The following FHIT variants were observed in gnomAD, a reference collection of about 807,000 sequenced individuals.
FHIT encodes bis(5'-adenosyl)-triphosphatase.
FHIT carries 19 observed loss-of-function variants against 17.9 expected under a neutral mutation model. The observed-to-expected ratio is 1.06, with a 90% CI of 0.74 to 1.56. FHIT has a LOEUF of 1.56. FHIT is among the 40% of genes most tolerant of loss of function. The probability of loss-of-function intolerance (pLI) is 0.00; values close to 1 mark genes in which losing one functional copy is unlikely to be tolerated. For synonymous variants in FHIT, 81 were observed against 69.7 expected, an observed-to-expected ratio of 1.16 and a Z score of -0.81; for missense variants, 248 against 189.2, an observed-to-expected ratio of 1.31 and a Z score of -1.82.
intron 8 of FHIT, among the ~76,000 whole-genome samples, chr3:59,781,870 T>G (rs1446293974): frequency 1.3e-5 from 2 of 152,210 alleles, no homozygotes; most frequent in African/African-American, 4.8e-5. Context: ...CTTCTAAAGT[T>G]ATGATAGCAG....
At chr3:59,867,178 C>A (rs200247307) in intron 8 of FHIT, among the ~76,000 whole-genome samples, 1 of 45,132 alleles carries the variant, frequency 2.2e-5, no homozygotes, top group Admixed American at 1.5e-4. Flanking sequence ...AGCAGAACCA[C>A]TCTCAACCTA....
chr3:60,515,077 G>A (rs554693960), intron 5 of FHIT, among the ~76,000 whole-genome samples: 3 of 152,206 alleles, frequency 2.0e-5, no homozygotes, highest in Non-Finnish European at 4.4e-5. Context: ...AGTGGGCACC[G>A]CAAATGAACA....
At chr3:59,817,400 G>A (rs972173082) in intron 8 of FHIT, among the ~76,000 whole-genome samples, 2 of 151,878 alleles carry the variant, frequency 1.3e-5, no homozygotes, top group African/African-American at 4.8e-5. Flanking sequence ...CTGTCCCTTG[G>A]CATTGCACAG....
At position 60,212,617 on chromosome 3, in the gene FHIT, A is replaced by G. The variant is rs116633130; in HGVS notation, c.104-198465T>C. Among the ~76,000 whole-genome samples the G allele has an allele frequency of 5.5e-3, 844 of 152,320 alleles. 11 individuals are homozygous for G. Among genetic ancestry groups the G allele is most frequent in the African/African-American group, 0.019 (806 of 41,576 alleles). ...GACAACTAAGTGTTGTTTAAGCACT[A>G]AAATAACAATCTAATGAATTAGTAA... On this transcript the variant is annotated intron_variant, in intron 5 of 9. Coordinates refer to ENST00000492590, the MANE Select transcript of FHIT (RefSeq NM_002012.4).
At chr3:59,987,064 CTAT>C (rs1709010958) in intron 7 of FHIT, among the ~76,000 whole-genome samples, 1 of 54,938 alleles carries the variant, frequency 1.8e-5, no homozygotes, top group Admixed American at 1.7e-4. Flanking sequence ...TAAAATATAT[CTAT>C]ATATATCTAT....
At chr3:60,960,971 A>G (rs367792656) in intron 3 of FHIT, among the ~76,000 whole-genome samples, 1 of 152,202 alleles carries the variant, frequency 6.6e-6, no homozygotes, top group African/African-American at 2.4e-5. Context: ...CTGGGTCAAA[A>G]GGTATTTCTA....
intron 8 of FHIT, among the ~76,000 whole-genome samples, chr3:59,879,482 C>A (rs184560988): frequency 1.1e-4 from 17 of 152,168 alleles, no homozygotes; most frequent in Admixed American, 7.9e-4. Flanking sequence ...AGATAGAAAA[C>A]AATTGATAAT....
intron 4 of FHIT, among the ~76,000 whole-genome samples, chr3:60,621,996 T>G (rs1008977062): frequency 3.3e-5 from 5 of 152,248 alleles, no homozygotes; most frequent in Middle Eastern, 3.4e-3. Flanking sequence ...CCCTCTGCAT[T>G]TTTCTTAAGG....
At chr3:60,852,644 T>A (rs1268128091) in intron 3 of FHIT, among the ~76,000 whole-genome samples, 1 of 152,056 alleles carries the variant, frequency 6.6e-6, no homozygotes, top group African/African-American at 2.4e-5. Flanking sequence ...TATATTATAT[T>A]AAAATTTAAT....
chr3:61,210,506 C>T (rs2039426488), intron 1 of FHIT, among the ~76,000 whole-genome samples: 1 of 152,226 alleles, frequency 6.6e-6, no homozygotes, highest in Admixed American at 6.5e-5. Flanking sequence ...TTGGCAATGG[C>T]AGGCGCCCCT....
intron 4 of FHIT, among the ~76,000 whole-genome samples, chr3:60,762,175 A>G (rs150012245): frequency 6.6e-6 from 1 of 152,278 alleles, no homozygotes; most frequent in Non-Finnish European, 1.5e-5. Context: ...TTGCCTACCC[A>G]GTTATTCTCC....
At chr3:60,210,909 A>G (rs766380132) in intron 5 of FHIT, among the ~76,000 whole-genome samples, 7 of 152,098 alleles carry the variant, frequency 4.6e-5, no homozygotes, top group Non-Finnish European at 8.8e-5. Flanking sequence ...AGTCTATCCA[A>G]AAGACACACT....
chr3:60,089,727 T>A (rs1320139646), intron 5 of FHIT, among the ~76,000 whole-genome samples: 1 of 152,190 alleles, frequency 6.6e-6, no homozygotes, highest in Non-Finnish European at 1.5e-5. Context: ...AAGATCAAGG[T>A]CCTAGCATCT....
chr3:60,363,431 C>T (rs935946516), intron 5 of FHIT, among the ~76,000 whole-genome samples: 1 of 152,124 alleles, frequency 6.6e-6, no homozygotes, highest in African/African-American at 2.4e-5. Flanking sequence ...ATGTATTGAG[C>T]ACATAACTAA....
At chr3:60,118,731 G>A (rs998482385) in intron 5 of FHIT, among the ~76,000 whole-genome samples, 112 of 89,862 alleles carry the variant, frequency 1.2e-3, no homozygotes, top group African/African-American at 3.6e-3. Flanking sequence ...TTCAGGGTCC[G>A]GGCCTGTAAT....
chr3:61,167,379 G>A (rs929126423), intron 2 of FHIT, among the ~76,000 whole-genome samples: 4 of 151,902 alleles, frequency 2.6e-5, no homozygotes, highest in Admixed American at 2.0e-4. Context: ...GCTCATGCCT[G>A]TAATCCCAAC....
At chr3:60,850,781 C>T (rs1300878483) in intron 3 of FHIT, among the ~76,000 whole-genome samples, 2 of 152,106 alleles carry the variant, frequency 1.3e-5, no homozygotes, top group Non-Finnish European at 2.9e-5. Context: ...GATGAGGTGT[C>T]TTTATCTTAT....
chr3:60,840,140 A>C (rs1046037302), intron 3 of FHIT, among the ~76,000 whole-genome samples: 1 of 152,176 alleles, frequency 6.6e-6, no homozygotes, highest in Non-Finnish European at 1.5e-5. Flanking sequence ...AAAAACAAGC[A>C]TGAAAGTGGC....
rs1429202379 is a variant in FHIT, at chr3:61,159,441, C to T, written c.-164+41176G>A. On this transcript the variant is annotated intron_variant, in intron 2 of 9. Coordinates refer to ENST00000492590, the MANE Select transcript of FHIT (RefSeq NM_002012.4). ...CAGATATGCATCTTCATTCAGTGCA[C>T]AGAAGACTCAACTGTAGGGGCGGCC... is the stretch of plus-strand genomic sequence containing the variant. Among the ~76,000 whole-genome samples, 4 of 152,142 alleles carry T rather than the reference C, an allele frequency of 2.6e-5. No homozygotes were observed. In the East Asian group the frequency reaches 5.8e-4, roughly 22 times the overall value.
Sources: gnomAD v4.1 joint callset for allele counts (sites outside exome capture counted in the v4.1 genomes callset) on GRCh38, gnomAD v4.1.1 for gene constraint, MANE v1.5 for transcripts, NCBI Gene and HGNC (gene_info 2026-07-23, HGNC 2026-07-21) for gene names.